The following MBD5 variants were observed in gnomAD, a reference collection of about 807,000 sequenced individuals.
The protein encoded by MBD5 is methyl-CpG binding domain protein 5.
MBD5 carries 13 observed loss-of-function variants against 117.3 expected under a neutral mutation model. The observed-to-expected ratio is 0.11, with a 90% CI of 0.07 to 0.18. MBD5 has a LOEUF of 0.18. MBD5 is among the 10% of genes least tolerant of loss of function. The pLI is 1.00. For missense variants in MBD5, 1,879 were observed against 2,093.8 expected (o/e 0.90, Z 2.00); for synonymous variants, 727 against 766.4 (o/e 0.95, Z 0.85).
intron 2 of MBD5, among the ~76,000 whole-genome samples, chr2:148,183,235 T>C (rs1330842233): frequency 6.6e-6 from 1 of 152,070 alleles, no homozygotes; most frequent in African/African-American, 2.4e-5. Flanking sequence ...TGATATATAG[T>C]ATGTATCTGA....
At chr2:148,242,377 C>CACAT (rs60591555) in intron 3 of MBD5, among the ~76,000 whole-genome samples, 41 of 150,262 alleles carry the variant, frequency 2.7e-4, no homozygotes, top group African/African-American at 8.5e-4. Context: ...ATTACACACA[C>CACAT]ATATATATAT....
In MBD5 at chr2:148,023,735, C is replaced by T. The variant is rs186390242; in HGVS notation, c.-925+2051C>T. ...GTAGGCAGCTGAGTAAAAATTTAGT[C>T]TTGAGTTTAATGTCTTTCCTTATTT... On this transcript the variant is annotated intron_variant, in intron 1 of 13. Coordinates refer to ENST00000642680, the MANE Select transcript of MBD5 (RefSeq NM_001378120.1). Among the ~76,000 whole-genome samples, 498 of 150,798 alleles carry T rather than the reference C, an allele frequency of 3.3e-3. 2 individuals carry two copies. The highest frequency in any genetic ancestry group is 6.0e-3 in the Non-Finnish European group (404 of 67,674).
intron 4 of MBD5, among the ~76,000 whole-genome samples, chr2:148,398,090 T>A (rs1321197542): frequency 6.6e-6 from 1 of 152,188 alleles, no homozygotes; most frequent in East Asian, 1.9e-4. Flanking sequence ...TCTTTGCTAT[T>A]GTGAATAGTG....
chr2:148,118,435 A>AAAAAAT (rs1021339753), intron 1 of MBD5, among the ~76,000 whole-genome samples: 1 of 148,490 alleles, frequency 6.7e-6, no homozygotes, highest in African/African-American at 2.5e-5. Context: ...CATAAAAAAA[A>AAAAAAT]ATATATATAT....
intron 3 of MBD5, among the ~76,000 whole-genome samples, chr2:148,269,673 T>G (rs1052921926): frequency 1.3e-5 from 2 of 150,226 alleles, no homozygotes; most frequent in African/African-American, 2.4e-5. Flanking sequence ...TTTTAGTTTT[T>G]TTTTTTTTTT....
chr2:148,095,479 G>A (rs1696045417), intron 1 of MBD5, among the ~76,000 whole-genome samples: 1 of 152,070 alleles, frequency 6.6e-6, no homozygotes. Context: ...TAAGTAAAAA[G>A]TGTATATGAT....
chr2:148,426,182 C>T lies in MBD5; in HGVS notation c.-556-32021C>T, dbSNP rs1705777118. On this transcript the variant is annotated intron_variant, in intron 4 of 13. Transcript: ENST00000642680. ...CAAACAAGTGGAAGAACATTCCGTG[C>T]TCATGGGTAGGAAGAATCAATATTG... Among the ~76,000 whole-genome samples, 4 of 152,188 alleles carry T rather than the reference C, an allele frequency of 2.6e-5. No homozygotes were observed. The South Asian group carries it at 8.3e-4, about 32-fold the overall frequency.
At chr2:148,450,685 A>G (rs1706701150) in intron 4 of MBD5, among the ~76,000 whole-genome samples, 1 of 152,222 alleles carries the variant, frequency 6.6e-6, no homozygotes, top group South Asian at 2.1e-4. Flanking sequence ...GAACAGTATC[A>G]TATGCATCAA....
chr2:148,343,845 G>T (rs1703015275), intron 4 of MBD5, among the ~76,000 whole-genome samples: 1 of 152,002 alleles, frequency 6.6e-6, no homozygotes, highest in African/African-American at 2.4e-5. Flanking sequence ...TGTTTTTGTT[G>T]CAATTGCTTT....
intron 2 of MBD5, among the ~76,000 whole-genome samples, chr2:148,231,658 T>A (rs1699989700): frequency 6.6e-6 from 1 of 152,168 alleles, no homozygotes; most frequent in Non-Finnish European, 1.5e-5. Flanking sequence ...TTAAAAAATC[T>A]CACTTAGAAT....
intron 3 of MBD5, among the ~76,000 whole-genome samples, chr2:148,265,462 A>G (rs945529050): frequency 6.6e-6 from 1 of 152,194 alleles, no homozygotes; most frequent in African/African-American, 2.4e-5. Context: ...CCATGGATGT[A>G]TCATAATTTG....
intron 3 of MBD5, among the ~76,000 whole-genome samples, chr2:148,269,006 A>C (rs979071990): frequency 8.6e-5 from 13 of 151,944 alleles, no homozygotes; most frequent in African/African-American, 3.1e-4. Context: ...ATTGGTTTTC[A>C]GGTTTTATTT....
chr2:148,133,282 A>G (rs1034150570), intron 1 of MBD5, among the ~76,000 whole-genome samples: 3 of 152,200 alleles, frequency 2.0e-5, no homozygotes, highest in African/African-American at 7.2e-5. Context: ...GTTAAATGCC[A>G]TTTAAGGCAT....
At chr2:148,239,094 A>G (rs138588781) in intron 3 of MBD5, among the ~76,000 whole-genome samples, 425 of 151,954 alleles carry the variant, frequency 2.8e-3, no homozygotes, top group Non-Finnish European at 4.1e-3. Flanking sequence ...GTATATATAT[A>G]TAACTGAGAA....
chr2:148,185,824 G>C (rs1251475857), intron 2 of MBD5, among the ~76,000 whole-genome samples: 1 of 152,150 alleles, frequency 6.6e-6, no homozygotes, highest in African/African-American at 2.4e-5. Context: ...TTGAGCCTAG[G>C]AGATCTTGAT....
Position 148,492,900 on chromosome 2 carries a change from T to A in MBD5, c.4962+2306T>A, listed in dbSNP as rs547798958. Among the ~76,000 whole-genome samples the A allele has an allele frequency of 3.3e-5, 5 of 152,178 alleles. No homozygotes were observed. The East Asian group carries it at 9.6e-4, about 29-fold the overall frequency. ...TTCAGAGAGATATCTAGTAGAACAC[T>A]TTTTAAAATTTGTTACTCATTCAGG... On this transcript the variant is annotated intron_variant, in intron 11 of 13. Coordinates refer to ENST00000642680, the MANE Select transcript of MBD5 (RefSeq NM_001378120.1).
chr2:148,208,607 GA>G (rs1205450052), intron 2 of MBD5, among the ~76,000 whole-genome samples: 1 of 150,948 alleles, frequency 6.6e-6, no homozygotes, highest in Non-Finnish European at 1.5e-5. Flanking sequence ...TGTGTGGCTG[GA>G]AACAATTTTG....
intron 2 of MBD5, among the ~76,000 whole-genome samples, chr2:148,208,468 G>C (rs1699338028): frequency 1.3e-5 from 2 of 151,986 alleles, no homozygotes; most frequent in African/African-American, 4.8e-5. Flanking sequence ...TGTTGGCCAG[G>C]CTGGTCTCGA....
At chr2:148,074,507 G>GTTTTTTTTTTTGTTTTTTTTTTTTGT (rs1553469620) in intron 1 of MBD5, among the ~76,000 whole-genome samples, 30 of 113,766 alleles carry the variant, frequency 2.6e-4, no homozygotes, top group African/African-American at 8.6e-4. Context: ...TTTTTTTTTT[G>GTTTTTTTTTTTGTTTTTTTTTTTTGT]TTTTTTTTTT....
Sources: allele counts gnomAD v4.1 joint callset (sites outside exome capture counted in the v4.1 genomes callset), GRCh38; gene constraint gnomAD v4.1.1; transcripts MANE v1.5; gene names NCBI Gene and HGNC (gene_info 2026-07-23, HGNC 2026-07-21).